PLEKHH3: variants seen among roughly 807,000 people sequenced by gnomAD.
PLEKHH3 encodes the protein pleckstrin homology, MyTH4 and FERM domain containing H3, also known as pleckstrin homology domain-containing family H member 3.
PLEKHH3 carries 57 observed loss-of-function variants against 77.8 expected under a neutral mutation model. The observed-to-expected ratio is 0.73, with a 90% CI of 0.59 to 0.91. The LOEUF (loss-of-function observed/expected upper bound fraction) is 0.91, where lower values mean the gene tolerates loss of function less well. Ranked by LOEUF, PLEKHH3 falls within the 40% of genes least tolerant of loss-of-function variation. The probability of loss-of-function intolerance (pLI) is 0.00; values close to 1 mark genes in which losing one functional copy is unlikely to be tolerated. For missense variants in PLEKHH3, 1,082 were observed against 1,091.2 expected (o/e 0.99, Z 0.12); for synonymous variants, 467 against 504.8 (o/e 0.93, Z 1.00).
rs2052673027 is a variant in PLEKHH3 at position 42,670,601 on chromosome 17, C to CGGT, written c.1525_1526insACC (p.Gly509delinsAspArg). On this transcript the variant is annotated protein_altering_variant, in exon 10 of 13. Coordinates refer to ENST00000591022, the MANE Select transcript of PLEKHH3 (RefSeq NM_024927.5). ...CTCAAAGAGGAAAGGCAGTTCGTGA[C>CGGT]CGTCTGGGGACAGCCCCTCAGGGTG... The CGGT allele has an allele frequency of 6.2e-7, 1 of 1,611,710 alleles. No homozygotes were observed. The highest frequency in any genetic ancestry group is 1.3e-5 in the African/African-American group (1 of 75,054).
At position 42,669,523 on chromosome 17, in the gene PLEKHH3, G is replaced by A; in HGVS notation, c.2112C>T (p.Val704=). 6.2e-7 allele frequency: 1 copy of A among 1,611,470 alleles called. No homozygotes were observed. Among genetic ancestry groups the A allele is most frequent in the South Asian group, 1.1e-5 (1 of 90,954 alleles). The change falls in exon 12 of 13, where the codon GTC becomes GTT. Residue 704 remains valine, a synonymous_variant. Transcript: ENST00000591022. Reference sequence around the variant, plus strand: ...GGCAGGCGGCCACATGGCCATAGCTGACACTGTGGATGGGCTCCGTCTCCC... The same window carrying A: ...GGCAGGCGGCCACATGGCCATAGCTAACACTGTGGATGGGCTCCGTCTCCC... The part of the protein sequence containing the change: ...RPGETEPIHS[V]SYGHVAACQL...
chr17:42,675,800 A>T (rs950080942), intron 1 of PLEKHH3: 2 of 890,308 alleles, frequency 2.2e-6, no homozygotes, highest in East Asian at 1.2e-4. Context: ...GTCCCTCACC[A>T]TCCATCCCCT....
In PLEKHH3 at chr17:42,669,625, C is replaced by G; in HGVS notation, c.2014-4G>C. 2 of 1,598,738 alleles carry G rather than the reference C, an allele frequency of 1.3e-6. No individual in the cohort carries two copies. Among genetic ancestry groups the G allele is most frequent in the Non-Finnish European group, 1.7e-6 (2 of 1,168,982 alleles). On this transcript the variant is annotated splice_polypyrimidine_tract_variant and splice_region_variant and intron_variant, in intron 11 of 12. Transcript: ENST00000591022. ...GTGGAGCACCCCGACCAGGCTCCTG[C>G]AGACAGAGAGGCAGAGTCAGGGTGG...
At chr17:42,670,446 C>G in intron 10 of PLEKHH3, 70 bp from the exon 11 acceptor site, 1 of 1,466,470 alleles carries the variant, frequency 6.8e-7, no homozygotes, top group Non-Finnish European at 9.0e-7. Context: ...CTCGCGGAAT[C>G]TGAGCAGGTC....
Position 42,671,217 on chromosome 17 carries a change from C to T in PLEKHH3, c.1285-87G>A, listed in dbSNP as rs2052693736. On this transcript the variant is annotated intron_variant, in intron 8 of 12. Transcript: ENST00000591022. This position sits in a 1 kb window ranked among gnomAD's most constrained non-coding sequence, Gnocchi z 4.7. ...ATTCAATTGGAAGGGGTCTCTTAGT[C>T]CTGTCACCACCACTCCCTCCCTTAC... The T allele has an allele frequency of 2.6e-6, 4 of 1,522,402 alleles. No homozygotes were observed. The highest frequency in any genetic ancestry group is 3.5e-6 in the Non-Finnish European group (4 of 1,129,118). 94.3% of individuals were successfully genotyped at this position (1,522,402 alleles called of 1,614,324 possible). A position where few individuals can be genotyped will look rare whatever the true frequency, so the allele number is the denominator to read the frequency against.
chr17:42,671,123 C>T lies in PLEKHH3; in HGVS notation c.1292G>A (p.Arg431Gln), dbSNP rs772775987. The change falls in exon 9 of 13, where the codon CGA becomes CAA. Residue 431 changes from arginine to glutamine, a missense_variant. Coordinates refer to ENST00000591022, the MANE Select transcript of PLEKHH3 (RefSeq NM_024927.5). The surrounding 1 kb of genome is among the most constrained non-coding windows in gnomAD (Gnocchi z 4.7). ...DSHTTAGEVARELVGRLGLAR... is the reference protein window; with the variant it reads ...DSHTTAGEVAQELVGRLGLAR... The stretch of plus-strand genomic sequence containing the variant: ...CAAGCCCAGCCGCCCCACCAGCTCT[C>T]GAGCCACCTAGAAGAGGAGGGTGAG... 73 of 1,585,036 alleles carry T rather than the reference C, an allele frequency of 4.6e-5. 1 individual carries two copies. Among genetic ancestry groups the T allele is most frequent in the South Asian group, 4.3e-4 (38 of 88,758 alleles).
chr17:42,674,456 G>A (rs776033277), intron 1 of PLEKHH3, 47 bp from the exon 2 acceptor site: 5 of 1,517,480 alleles, frequency 3.3e-6, no homozygotes, highest in Admixed American at 4.3e-5. Context: ...CCCTTCCTGC[G>A]CAAGGTTCGT....
At position 42,670,641 on chromosome 17, in the gene PLEKHH3, G is replaced by C; in HGVS notation, c.1486C>G (p.Leu496Val). The C allele has an allele frequency of 1.2e-6, 2 of 1,613,246 alleles. No homozygotes were observed. Among genetic ancestry groups the C allele is most frequent in the Non-Finnish European group, 1.7e-6 (2 of 1,179,922 alleles). ...PDSGWRLCLR[L>V]HGPLHPEGLS... ...CCCTCAGGGTGCAGAGGTCCGTGAA[G>C]ACGCAGACATAGTCTCCACCCGGAG... Residue 496 changes from leucine to valine, a missense_variant, in exon 10 of 13, where the codon CTT (leucine) becomes GTT (valine). Physicochemically the swap from Leu to Val is conservative, Grantham distance 32. Transcript: ENST00000591022.
rs2143617623 is a variant in PLEKHH3, at chr17:42,676,461, C to T, written c.103G>A (p.Glu35Lys). ...GDGELSGDGD[E>K]DEDEETFELR... ...TCAAAGGTTTCCTCGTCCTCGTCCT[C>T]GTCCCCGTCCCCGCTAAGCTCGCCG... The change falls in exon 1 of 13, where the codon GAG becomes AAG. Residue 35 changes from glutamate to lysine, a missense_variant. Physicochemically the swap from Glu to Lys is moderately conservative, Grantham distance 56. Around this residue, in one of 3 missense-constraint regions of PLEKHH3, gnomAD observed 344 missense variants for 320.8 expected, o/e 1.07. Transcript: ENST00000591022. The surrounding 1 kb of genome is among the most constrained non-coding windows in gnomAD (Gnocchi z 6.6). 1 of 1,611,538 alleles carries T rather than the reference C, an allele frequency of 6.2e-7. No homozygotes were observed. The highest frequency in any genetic ancestry group is 8.5e-7 in the Non-Finnish European group (1 of 1,178,690).
In PLEKHH3 at chr17:42,672,179, G is replaced by A. The variant is rs1389815857; in HGVS notation, c.983C>T (p.Ala328Val). The change falls in exon 7 of 13, where the codon GCG becomes GTG. Residue 328 changes from alanine (A) to valine (V), a missense_variant. By Grantham distance (64) the Ala-to-Val change is moderately conservative (BLOSUM62 0). Coordinates refer to ENST00000591022, the MANE Select transcript of PLEKHH3 (RefSeq NM_024927.5). ...GAGGAGTTGCCAGTACCGCAGGGCC[G>A]CAGGGTCTTGGGTAGCCGGGAGCCC... The part of the protein sequence containing the change: ...PPGLPATQDP[A>V]ALRYWQLLTC... 4 of 1,550,674 alleles carry A rather than the reference G, an allele frequency of 2.6e-6. No individual in the cohort carries two copies. In the South Asian group the frequency reaches 3.6e-5, roughly 14 times the overall value.
In PLEKHH3 at chr17:42,676,200, T is replaced by G; in HGVS notation, c.162+202A>C. On this transcript the variant is annotated intron_variant, in intron 1 of 12. Transcript: ENST00000591022. This position sits in a 1 kb window ranked among gnomAD's most constrained non-coding sequence, Gnocchi z 6.6. ...CCCAGCAGGTGGATAGCGCCCAGCC[T>G]GCAGCGGGAGGCCCACAGGCACATC... 2 of 1,377,456 alleles carry G rather than the reference T, an allele frequency of 1.5e-6. No homozygotes were observed. The highest frequency in any genetic ancestry group is 1.9e-6 in the Non-Finnish European group (2 of 1,054,514). The allele number at this position is 1,377,456 out of a possible 1,614,324, so 85.3% of individuals were successfully genotyped here. A position where few individuals can be genotyped will look rare whatever the true frequency, so the allele number is the denominator to read the frequency against.
chr17:42,670,540 C>CT, intron 10 of PLEKHH3, 33 bp downstream of exon 10: 1 of 1,586,926 alleles, frequency 6.3e-7, no homozygotes, highest in Non-Finnish European at 8.6e-7. Context: ...GCTTGGGGGT[C>CT]TGTTTGGAGG....
rs773913861 is a variant in PLEKHH3 at position 42,671,113 on chromosome 17, C to G, written c.1302G>C (p.Val434=). The stretch of plus-strand genomic sequence containing the variant: ...GGCTCCGGGCCAAGCCCAGCCGCCC[C>G]ACCAGCTCTCGAGCCACCTAGAAGA... ...TTAGEVAREL[V]GRLGLARSRN... The change falls in exon 9 of 13, where the codon GTG becomes GTC. Residue 434 remains valine (V), a synonymous_variant. Transcript: ENST00000591022. This position sits in a 1 kb window ranked among gnomAD's most constrained non-coding sequence, Gnocchi z 4.7. The G allele has an allele frequency of 2.3e-5, 36 of 1,589,550 alleles. No homozygotes were observed. The highest frequency in any genetic ancestry group is 6.7e-5 in the East Asian group (3 of 44,458).
Position 42,670,078 on chromosome 17 carries a change from C to A in PLEKHH3, c.1853G>T (p.Arg618Leu). The change falls in exon 11 of 13, where the codon CGC (arginine) becomes CTC (leucine). Residue 618 changes from arginine to leucine, a missense_variant. This residue lies in a region of PLEKHH3 where 733 missense variants were observed against 750.0 expected (regional missense o/e 0.98). Coordinates refer to ENST00000591022, the MANE Select transcript of PLEKHH3 (RefSeq NM_024927.5). Reference protein sequence around the residue: ...GAGRTAGSIAREGGGGAGTAA... With the variant: ...GAGRTAGSIALEGGGGAGTAA... ...CGTGCCGGCGCCGCCTCCTCCCTCG[C>A]GGGCAATGCTTCCCGCAGTGCGGCC... The A allele has an allele frequency of 6.9e-7, 1 of 1,445,540 alleles. No homozygotes were observed. The highest frequency in any genetic ancestry group is 9.0e-7 in the Non-Finnish European group (1 of 1,108,534). 89.5% of individuals were successfully genotyped at this position (1,445,540 alleles called of 1,614,324 possible).
rs929559556 is a variant in PLEKHH3, at chr17:42,676,023, G to C, written c.162+379C>G. 55 of 1,095,540 alleles carry C rather than the reference G, an allele frequency of 5.0e-5. No individual in the cohort carries two copies. In the African/African-American group the frequency reaches 7.9e-4, roughly 16 times the overall value. The allele number at this position is 1,095,540 out of a possible 1,614,324, so 67.9% of individuals were successfully genotyped here. A position where few individuals can be genotyped will look rare whatever the true frequency, so the allele number is the denominator to read the frequency against. On this transcript the variant is annotated intron_variant, in intron 1 of 12. Coordinates refer to ENST00000591022, the MANE Select transcript of PLEKHH3 (RefSeq NM_024927.5). This position sits in a 1 kb window ranked among gnomAD's most constrained non-coding sequence, Gnocchi z 6.6. ...CGCACTTGCGAACTGGGAGCGGAGG[G>C]GGACCCAGGCGTTCGAGCCGCCCAG...
In PLEKHH3 at chr17:42,676,533, G is replaced by T. The variant is rs770004624; in HGVS notation, c.31C>A (p.Leu11Ile). The change falls in exon 1 of 13, where the codon CTC (leucine) becomes ATC (isoleucine). Residue 11 changes from leucine (L) to isoleucine (I), a missense_variant. Physicochemically the swap from Leu to Ile is conservative, Grantham distance 5. Transcript: ENST00000591022. This position sits in a 1 kb window ranked among gnomAD's most constrained non-coding sequence, Gnocchi z 6.6. ...AGAGTGAAGCCTCGACGGCAGCAGAGAAGCCACCATAGTCCCCCGGGGAGA... is the reference window on the plus strand; with the variant it reads ...AGAGTGAAGCCTCGACGGCAGCAGATAAGCCACCATAGTCCCCCGGGGAGA... The part of the protein sequence containing the change: MPLPGGLWWL[L>I]CCRRGFTLLH... The T allele has an allele frequency of 6.3e-7, 1 of 1,583,140 alleles. No individual in the cohort carries two copies.
chr17:42,670,227 C>T lies in PLEKHH3; in HGVS notation c.1704G>A (p.Pro568=). ...RLDRLLPPPA[P]PREDPPRPTP... is the part of the protein sequence containing the mutation. ...TCGGGCGGGGCGGGTCTTCGCGCGGCGGGGCCGGGGGCGGGAGCAGGCGGT... is the reference window on the plus strand; with the variant it reads ...TCGGGCGGGGCGGGTCTTCGCGCGGTGGGGCCGGGGGCGGGAGCAGGCGGT... Residue 568 remains proline, a synonymous_variant, in exon 11 of 13, where the codon CCG becomes CCA. Transcript: ENST00000591022. 8.2e-7 allele frequency: 1 copy of T among 1,214,896 alleles called. No homozygotes were observed. The highest frequency in any genetic ancestry group is 1.0e-6 in the Non-Finnish European group (1 of 977,998). 75.3% of individuals were successfully genotyped at this position (1,214,896 alleles called of 1,614,324 possible).
rs1366809004 is a variant in PLEKHH3 at position 42,670,630 on chromosome 17, A to C, written c.1497T>G (p.Pro499=). The change falls in exon 10 of 13, where the codon CCT becomes CCG. Residue 499 remains proline (P), a synonymous_variant. Transcript: ENST00000591022. ...GWRLCLRLHG[P]LHPEGLSPDG... ...CTGGGGACAGCCCCTCAGGGTGCAG[A>C]GGTCCGTGAAGACGCAGACATAGTC... is the stretch of plus-strand genomic sequence containing the variant. The C allele has an allele frequency of 3.1e-6, 5 of 1,613,188 alleles. No individual in the cohort carries two copies. Among genetic ancestry groups the C allele is most frequent in the African/African-American group, 1.3e-5 (1 of 75,064 alleles).
chr17:42,673,580 G>A, intron 4 of PLEKHH3, 24 bp from the exon 5 acceptor site: 1 of 1,586,640 alleles, frequency 6.3e-7, no homozygotes, highest in Non-Finnish European at 8.5e-7. Flanking sequence ...AGGCCAGGGA[G>A]GGCCATTAGG....
Sources: gnomAD v4.1 joint callset for allele counts on GRCh38, gnomAD v4.1.1 for gene constraint, gnomAD v4.1.1 regional missense constraint, Gnocchi (gnomAD v3.1) non-coding constraint, MANE v1.5 for transcripts, NCBI Gene and HGNC (gene_info 2026-07-23, HGNC 2026-07-21) for gene names.